The following SCML2 variants were observed in gnomAD, a reference collection of about 807,000 sequenced individuals.
SCML2 encodes sex comb on midleg-like protein 2.
SCML2 carries 6 observed loss-of-function variants against 48.4 expected under a neutral mutation model. That is an observed-to-expected ratio of 0.12 (90% CI 0.07 to 0.24). SCML2 has a LOEUF of 0.24. Ranked by LOEUF, SCML2 falls within the 10% of genes least tolerant of loss-of-function variation. The probability of loss-of-function intolerance (pLI) is 1.00; values close to 1 mark genes in which losing one functional copy is unlikely to be tolerated. For missense variants in SCML2, 377 were observed against 528.2 expected (o/e 0.71, Z 2.81); for synonymous variants, 181 against 189.5 (o/e 0.95, Z 0.37).
At position 18,296,055 on chromosome X, in the gene SCML2, T is replaced by C. The variant is rs1928388309; in HGVS notation, c.730+8917A>G. Among the ~76,000 whole-genome samples, 5 of 110,451 alleles carry C rather than the reference T, an allele frequency of 4.5e-5. No individual in the cohort carries two copies. The Admixed American group carries it at 4.8e-4, about 11-fold the overall frequency. ...CATCAATGTAAAGACCCAAGAAATA[T>C]GAAAAAAGAAGGAAATGTGACACCT... is the stretch of plus-strand genomic sequence containing the variant. On this transcript the variant is annotated intron_variant, in intron 7 of 14. Transcript: ENST00000251900.
upstream of SCML2, chrX:18,354,795 G>A (rs757051761): frequency 2.5e-4 from 37 of 145,323 alleles, no homozygotes; most frequent in African/African-American, 1.1e-3. Context: ...CCGCCGCCGC[G>A]TGCGGGGCCC....
At chrX:18,317,911 G>A (rs1929185187) in intron 6 of SCML2, among the ~76,000 whole-genome samples, 2 of 110,412 alleles carry the variant, frequency 1.8e-5, no homozygotes, top group South Asian at 7.7e-4. Context: ...AGGAATGAAG[G>A]AATGGTTGGG....
chrX:18,275,406 A>G (rs1365352683), intron 7 of SCML2, among the ~76,000 whole-genome samples: 1 of 112,553 alleles, frequency 8.9e-6, no homozygotes, highest in Non-Finnish European at 1.9e-5. Context: ...CTGCTCAACT[A>G]CCAGCTCTGT....
At chrX:18,348,607 TATTA>T (rs1200326023) in intron 1 of SCML2, among the ~76,000 whole-genome samples, 1 of 112,174 alleles carries the variant, frequency 8.9e-6, no homozygotes, top group African/African-American at 3.2e-5. Context: ...GCCTACTATA[TATTA>T]ATTCTTTTAA....
chrX:18,265,079 A>T (rs1200401989), intron 8 of SCML2, among the ~76,000 whole-genome samples: 2 of 112,197 alleles, frequency 1.8e-5, no homozygotes, highest in Non-Finnish European at 3.8e-5. Flanking sequence ...CTCACTTTGT[A>T]TAACACCCCT....
chrX:18,319,401 C>T (rs988087622), intron 6 of SCML2, among the ~76,000 whole-genome samples: 13 of 109,373 alleles, frequency 1.2e-4, no homozygotes, highest in Non-Finnish European at 1.9e-4. Context: ...GAGTTCAAGA[C>T]CAGCCTGGCC....
In SCML2 at chrX:18,247,851, G is replaced by C. The variant is rs1187945828; in HGVS notation, c.1488C>G (p.Thr496=). The stretch of plus-strand genomic sequence containing the variant: ...GTACAGTTTGCTGAGGAGATCGTTT[G>C]GTGCTTTGCCTTTCTGTTACATCTT... ...AKEDVTERQS[T]KRSPQQTVPY... is the part of the protein sequence containing the mutation. The change falls in exon 12 of 15, where the codon ACC becomes ACG. Residue 496 remains threonine, a synonymous_variant. Transcript: ENST00000251900. 13 of 1,208,135 alleles carry C rather than the reference G, an allele frequency of 1.1e-5. No individual in the cohort carries two copies. Among genetic ancestry groups the C allele is most frequent in the Non-Finnish European group, 1.5e-5 (13 of 893,777 alleles).
rs1248952714 is a variant in SCML2 at position 18,308,097 on chromosome X, G to GA, written c.487-2883dup. ...TGACAGATCAAGACTCGTCTCAAAA[G>GA]AAAAAAAAAAAATTAGCTGGGTGTG... On this transcript the variant is annotated intron_variant, in intron 6 of 14. Coordinates refer to ENST00000251900, the MANE Select transcript of SCML2 (RefSeq NM_006089.3). Among the ~76,000 whole-genome samples, 457 of 72,703 alleles carry GA rather than the reference G, an allele frequency of 6.3e-3. 2 individuals carry two copies. The highest frequency in any genetic ancestry group is 0.01 in the Non-Finnish European group (376 of 37,179). 63.1% of individuals were successfully genotyped at this position (72,703 alleles called of 115,157 possible). A position where few individuals can be genotyped will look rare whatever the true frequency, so the allele number is the denominator to read the frequency against.
intron 5 of SCML2, among the ~76,000 whole-genome samples, chrX:18,322,801 G>A (rs1929364085): frequency 9.0e-6 from 1 of 110,541 alleles, no homozygotes; most frequent in Non-Finnish European, 1.9e-5. Context: ...GGCTGAGGCA[G>A]GAGAATCGCT....
At chrX:18,314,613 ATTCTT>A (rs1397929416) in intron 6 of SCML2, among the ~76,000 whole-genome samples, 1 of 112,031 alleles carries the variant, frequency 8.9e-6, no homozygotes, top group African/African-American at 3.2e-5. Flanking sequence ...ATCTTCCTGT[ATTCTT>A]TTATCCTTTC....
chrX:18,267,570 G>A (rs761319742), intron 7 of SCML2, among the ~76,000 whole-genome samples: 61 of 105,863 alleles, frequency 5.8e-4, no homozygotes, highest in African/African-American at 2.1e-3. Context: ...GGTCTCTGTC[G>A]TACATTCTTT....
chrX:18,258,485 T>A (rs144972410), intron 9 of SCML2, among the ~76,000 whole-genome samples: 2,781 of 111,849 alleles, frequency 0.025, 100 homozygotes, highest in African/African-American at 0.086. Context: ...TTTTTTAGAA[T>A]CTTGTCCAAA....
chrX:18,344,433 TATG>T (rs1930135630), intron 1 of SCML2, among the ~76,000 whole-genome samples: 1 of 111,807 alleles, frequency 8.9e-6, no homozygotes, highest in Non-Finnish European at 1.9e-5. Context: ...CAATACACCG[TATG>T]TGCTTTGAAA....
rs772208149 is a variant in SCML2, at chrX:18,258,162, C to G, written c.1155G>C (p.Pro385=). The change falls in exon 10 of 15, where the codon CCG becomes CCC. Residue 385 remains proline (P), a synonymous_variant. Coordinates refer to ENST00000251900, the MANE Select transcript of SCML2 (RefSeq NM_006089.3). ...GGCGAAGCACCACATTCACCGGGCCCGGGCCGAAGTGGTCAGGCAGCTGCT... is the reference window on the plus strand; with the variant it reads ...GGCGAAGCACCACATTCACCGGGCCGGGGCCGAAGTGGTCAGGCAGCTGCT... ...RIQQLPDHFG[P]GPVNVVLRRI... is the part of the protein sequence containing the mutation. The G allele has an allele frequency of 5.0e-6, 6 of 1,211,415 alleles. No individual in the cohort carries two copies. Among genetic ancestry groups the G allele is most frequent in the Non-Finnish European group, 5.6e-6 (5 of 895,080 alleles).
chrX:18,288,901 A>AG (rs1280935903), intron 7 of SCML2, among the ~76,000 whole-genome samples: 2 of 111,398 alleles, frequency 1.8e-5, no homozygotes, highest in East Asian at 5.7e-4. Flanking sequence ...TGTTGGTTTA[A>AG]GGGGGGAGGA....
At chrX:18,271,442 T>C (rs1927455426) in intron 7 of SCML2, among the ~76,000 whole-genome samples, 1 of 109,634 alleles carries the variant, frequency 9.1e-6, no homozygotes, top group South Asian at 4.1e-4. Flanking sequence ...GATGCATGTG[T>C]GTGTGTGTTT....
At chrX:18,257,923 AG>A in intron 10 of SCML2, 120 bp downstream of exon 10, 2 of 342,981 alleles carry the variant, frequency 5.8e-6, no homozygotes, top group East Asian at 4.6e-5. Flanking sequence ...AGGGCGGGGG[AG>A]GGGGAAGGGG....
At position 18,305,228 on chromosome X, in the gene SCML2, TA is replaced by T. The variant is rs749860973; in HGVS notation, c.487-14del. ...GCTTTGGTGGTTCCTATCAAAACAT[TA>T]AAAAAAAAAAAGATTTCATTGTTAA... On this transcript the variant is annotated splice_polypyrimidine_tract_variant and intron_variant, in intron 6 of 14. Transcript: ENST00000251900. The T allele has an allele frequency of 0.073, 48,400 of 666,223 alleles. No individual in the cohort carries two copies. Among genetic ancestry groups the T allele is most frequent in the East Asian group, 0.083 (1,477 of 17,836 alleles). The allele number at this position is 666,223 out of a possible 1,213,427, so 54.9% of individuals were successfully genotyped here.
At chrX:18,333,945 A>C (rs1445998623) in intron 2 of SCML2, 105 bp downstream of exon 2, 12 of 715,677 alleles carry the variant, frequency 1.7e-5, no homozygotes, top group Non-Finnish European at 2.4e-5. Context: ...CATCTCCTAT[A>C]AATTTATTTT....
Sources: gnomAD v4.1 joint callset for allele counts (sites outside exome capture counted in the v4.1 genomes callset) on GRCh38, gnomAD v4.1.1 for gene constraint, MANE v1.5 for transcripts, NCBI Gene and HGNC (gene_info 2026-07-23, HGNC 2026-07-21) for gene names.